Variants in MARCHF10 observed in about 807,000 individuals in gnomAD.
MARCHF10 encodes probable E3 ubiquitin-protein ligase MARCHF10.
Under a neutral mutation model 76.2 loss-of-function variants are expected in MARCHF10, and 64 were observed. That is an observed-to-expected ratio of 0.84 (90% CI 0.69 to 1.03). MARCHF10 has a LOEUF of 1.03. Ranked by LOEUF, MARCHF10 falls within the 50% of genes least tolerant of loss-of-function variation. The probability of loss-of-function intolerance (pLI) is 0.00; values close to 1 mark genes in which losing one functional copy is unlikely to be tolerated. For synonymous variants in MARCHF10, 340 were observed against 357.5 expected (o/e 0.95, Z 0.55); for missense variants, 875 against 958.0 (o/e 0.91, Z 1.14).
rs563888990 is a variant in MARCHF10 at position 62,704,239 on chromosome 17, G to A, written c.2371+1300C>T. Among the ~76,000 whole-genome samples, 3 of 151,724 alleles carry A rather than the reference G, an allele frequency of 2.0e-5. No homozygotes were observed. In the South Asian group the frequency reaches 6.2e-4, roughly 31 times the overall value. ...GAGCCGCGGGGCCGAGGCGCAGGGC[G>A]TTTTCCCCGGAGGTGCGGCGTGCGC... On this transcript the variant is annotated intron_variant, in intron 10 of 10. Transcript: ENST00000311269.
At chr17:62,768,889 A>T (rs1033178196) in intron 3 of MARCHF10, among the ~76,000 whole-genome samples, 3 of 152,210 alleles carry the variant, frequency 2.0e-5, no homozygotes, top group African/African-American at 7.2e-5. Context: ...ATTGTCCCCA[A>T]GATGTCTTTT....
chr17:62,738,457 C>T lies in MARCHF10; in HGVS notation c.536-1125G>A, dbSNP rs895216723. Among the ~76,000 whole-genome samples, 9 of 152,278 alleles carry T rather than the reference C, an allele frequency of 5.9e-5. No individual in the cohort carries two copies. Among genetic ancestry groups the T allele is most frequent in the East Asian group, 1.9e-4 (1 of 5,178 alleles). ...TTTATTCCCTCCTGACATCGGCCTC[C>T]CCCCGCTTTGTTCTCCTCTCTGCTA... On this transcript the variant is annotated intron_variant, in intron 5 of 10. Coordinates refer to ENST00000311269, the MANE Select transcript of MARCHF10 (RefSeq NM_152598.4). The surrounding 1 kb of genome is among the most constrained non-coding windows in gnomAD (Gnocchi z 4.0).
At chr17:62,762,104 C>T (rs913224057) in intron 3 of MARCHF10, among the ~76,000 whole-genome samples, 2 of 152,198 alleles carry the variant, frequency 1.3e-5, no homozygotes, top group African/African-American at 4.8e-5. Context: ...CCATTACCCC[C>T]AGCCAGGGCC....
At chr17:62,778,041 C>T (rs1167618037) in intron 3 of MARCHF10, among the ~76,000 whole-genome samples, 1 of 152,194 alleles carries the variant, frequency 6.6e-6, no homozygotes, top group Non-Finnish European at 1.5e-5. Flanking sequence ...TAACCACAAA[C>T]AGTGCCTCCT....
intron 3 of MARCHF10, among the ~76,000 whole-genome samples, chr17:62,767,833 G>C (rs2092368120): frequency 6.6e-6 from 1 of 152,164 alleles, no homozygotes; most frequent in Non-Finnish European, 1.5e-5. Flanking sequence ...ATCGCTAAGA[G>C]TTGAAGTCGG....
intron 2 of MARCHF10, among the ~76,000 whole-genome samples, chr17:62,794,120 ACCT>A (rs1452487606): frequency 8.6e-6 from 1 of 116,544 alleles, no homozygotes; most frequent in African/African-American, 3.6e-5. Context: ...CACCACCACC[ACCT>A]CCATCACCAC....
At chr17:62,705,487 G>T (rs767548234) in intron 10 of MARCHF10, 52 bp downstream of exon 10, 7 of 1,614,038 alleles carry the variant, frequency 4.3e-6, no homozygotes, top group Non-Finnish European at 5.9e-6. Context: ...CACAGAAAAA[G>T]AGTAATTTAG....
intron 8 of MARCHF10, among the ~76,000 whole-genome samples, chr17:62,718,010 C>T (rs1352785571): frequency 1.3e-5 from 2 of 152,088 alleles, no homozygotes; most frequent in Non-Finnish European, 2.9e-5. Flanking sequence ...CATTGGTGCA[C>T]GTAGCTTTCT....
chr17:62,788,893 C>G (rs1013194746), intron 2 of MARCHF10, among the ~76,000 whole-genome samples: 1 of 151,272 alleles, frequency 6.6e-6, no homozygotes, highest in Non-Finnish European at 1.5e-5. Flanking sequence ...GAAACCCCGT[C>G]TCTACTAAAA....
At chr17:62,714,454 G>C (rs1045890253) in intron 8 of MARCHF10, 2 of 981,894 alleles carry the variant, frequency 2.0e-6, no homozygotes, top group Non-Finnish European at 1.2e-6. Flanking sequence ...AAGATTTAAA[G>C]ACAGGATTCC....
chr17:62,770,301 G>T (rs554835909), intron 3 of MARCHF10, among the ~76,000 whole-genome samples: 1 of 152,206 alleles, frequency 6.6e-6, no homozygotes, highest in Non-Finnish European at 1.5e-5. Flanking sequence ...CCATGTCTTT[G>T]CTATTGCAAA....
rs1272891752 is a variant in MARCHF10 at position 62,759,943 on chromosome 17, A to G, written c.274T>C (p.Cys92Arg). 1 of 1,614,038 alleles carries G rather than the reference A, an allele frequency of 6.2e-7. No individual in the cohort carries two copies. Among genetic ancestry groups the G allele is most frequent in the Non-Finnish European group, 8.5e-7 (1 of 1,179,996 alleles). Residue 92 changes from cysteine to arginine, a missense_variant, in exon 4 of 11, where the codon TGT becomes CGT. Transcript: ENST00000311269. ...TCAATTGCTGGAAGTTTGGAGTCACACTTAAATGCAGATATCTTGATAGAT... is the reference window on the plus strand; with the variant it reads ...TCAATTGCTGGAAGTTTGGAGTCACGCTTAAATGCAGATATCTTGATAGAT... ...RSSIKISAFK[C>R]DSKLPAIDQT...
intron 2 of MARCHF10, among the ~76,000 whole-genome samples, chr17:62,790,372 T>G (rs1376206956): frequency 1.3e-5 from 2 of 152,092 alleles, no homozygotes; most frequent in Non-Finnish European, 2.9e-5. Flanking sequence ...GACAGGGTTT[T>G]GCCATGTTGG....
chr17:62,738,271 C>T lies in MARCHF10; in HGVS notation c.536-939G>A, dbSNP rs73335749. Among the ~76,000 whole-genome samples, 107 of 152,310 alleles carry T rather than the reference C, an allele frequency of 7.0e-4. No homozygotes were observed. The highest frequency in any genetic ancestry group is 2.6e-3 in the African/African-American group (107 of 41,560). On this transcript the variant is annotated intron_variant, in intron 5 of 10. Transcript: ENST00000311269. This position sits in a 1 kb window ranked among gnomAD's most constrained non-coding sequence, Gnocchi z 4.0. Reference sequence around the variant, plus strand: ...TCGATACTAGGGTTTGTGTTCTTAACCACCACCCTGTGTTAGCCCTTAAGA... The same window carrying T: ...TCGATACTAGGGTTTGTGTTCTTAATCACCACCCTGTGTTAGCCCTTAAGA...
At chr17:62,753,816 C>G (rs1414578822) in intron 4 of MARCHF10, among the ~76,000 whole-genome samples, 1 of 152,186 alleles carries the variant, frequency 6.6e-6, no homozygotes, top group Admixed American at 6.5e-5. Context: ...GCTCACCCAC[C>G]AGGCTGGGAG....
intron 4 of MARCHF10, chr17:62,746,994 T>A (rs1177955041): frequency 6.6e-7 from 1 of 1,525,050 alleles, no homozygotes; most frequent in African/African-American, 1.4e-5. Context: ...GAAAAAACCC[T>A]TACTTTCAGC....
chr17:62,703,365 T>G (rs1204721734), intron 10 of MARCHF10: 1 of 152,382 alleles, frequency 6.6e-6, no homozygotes, highest in Admixed American at 6.5e-5. Flanking sequence ...CATGCCAGGA[T>G]GCCAGGGGAC....
In MARCHF10 at chr17:62,736,948, G is replaced by A. The variant is rs1477567280; in HGVS notation, c.920C>T (p.Ser307Leu). 1 of 1,614,158 alleles carries A rather than the reference G, an allele frequency of 6.2e-7. No homozygotes were observed. The highest frequency in any genetic ancestry group is 1.1e-5 in the South Asian group (1 of 91,064). ...TTTGTGATGGGAAGGAGAACAGGGT[G>A]AGCGCACACCAACCCACAGACATTC... ...SEECLWVGVRSPCSPSHHKRS... is the reference protein window; with the variant it reads ...SEECLWVGVRLPCSPSHHKRS... The change falls in exon 6 of 11, where the codon TCA becomes TTA. Residue 307 changes from serine to leucine, a missense_variant. Transcript: ENST00000311269.
At chr17:62,731,920 TA>T (rs1346712304) in intron 6 of MARCHF10, among the ~76,000 whole-genome samples, 2 of 152,226 alleles carry the variant, frequency 1.3e-5, no homozygotes, top group East Asian at 1.9e-4. Context: ...AAACTACTAA[TA>T]TTTTTTACAG....
Sources: allele counts gnomAD v4.1 joint callset (sites outside exome capture counted in the v4.1 genomes callset), GRCh38; gene constraint gnomAD v4.1.1; non-coding constraint Gnocchi (gnomAD v3.1); transcripts MANE v1.5; gene names NCBI Gene and HGNC (gene_info 2026-07-23, HGNC 2026-07-21).